The following ESR1 variants were observed in gnomAD, a reference collection of about 807,000 sequenced individuals.
ESR1 encodes estrogen receptor 1.
In ESR1, 12 loss-of-function variants were observed where a neutral mutation model predicts 52.7. That is an observed-to-expected ratio of 0.23 (90% CI 0.15 to 0.37). ESR1 has a LOEUF of 0.37. Ranked by LOEUF, ESR1 falls within the 10% of genes least tolerant of loss-of-function variation. The probability of loss-of-function intolerance (pLI) is 1.00; values close to 1 mark genes in which losing one functional copy is unlikely to be tolerated. For missense variants in ESR1, 584 were observed against 779.7 expected, an observed-to-expected ratio of 0.75 and a Z score of 2.99; for synonymous variants, 305 against 316.8, an observed-to-expected ratio of 0.96 and a Z score of 0.39.
In ESR1 at chr6:151,958,973, C is replaced by CGTGTGTGTGTGTGTGTGTGTGTGT. The variant is rs58501088; in HGVS notation, c.1096+14486_1096+14487insTGTGTGTGTGTGTGTGTGTGTGTG. On this transcript the variant is annotated intron_variant, in intron 4 of 7. Transcript: ENST00000206249. ...CTTCCATTGGAAGAGAAAAAGTTTC[C>CGTGTGTGTGTGTGTGTGTGTGTGT]GTGTGTGTGTGTGTGTGTGTGCGTG... Among the ~76,000 whole-genome samples the CGTGTGTGTGTGTGTGTGTGTGTGT allele has an allele frequency of 6.3e-3, 934 of 148,794 alleles. 16 individuals carry two copies. The highest frequency in any genetic ancestry group is 0.055 in the East Asian group (276 of 5,016).
At chr6:152,084,719 A>G (rs1376418141) in intron 6 of ESR1, among the ~76,000 whole-genome samples, 2 of 150,972 alleles carry the variant, frequency 1.3e-5, no homozygotes, top group South Asian at 2.1e-4. Flanking sequence ...AAAAAAAAAA[A>G]CAGTTATTCA....
chr6:151,746,650 A>AAAGGTACT (rs2128068072), intron 2 of ESR1, among the ~76,000 whole-genome samples: 1 of 152,334 alleles, frequency 6.6e-6, no homozygotes, highest in South Asian at 2.1e-4. Context: ...TGAGGTGAAA[A>AAAGGTACT]AAGGTACTAA....
At chr6:151,916,466 G>T (rs1277358557) in intron 3 of ESR1, among the ~76,000 whole-genome samples, 2 of 152,148 alleles carry the variant, frequency 1.3e-5, no homozygotes, top group Non-Finnish European at 2.9e-5. Context: ...TTTAATTTAG[G>T]TGGCATATTT....
chr6:151,706,783 C>T (rs1179930643), intron 2 of ESR1, among the ~76,000 whole-genome samples: 1 of 152,134 alleles, frequency 6.6e-6, no homozygotes, highest in East Asian at 1.9e-4. Flanking sequence ...GAAATCTGTT[C>T]TACCTGGAAA....
intron 4 of ESR1, among the ~76,000 whole-genome samples, chr6:151,967,262 C>A (rs1677249863): frequency 6.6e-6 from 1 of 152,074 alleles, no homozygotes; most frequent in Non-Finnish European, 1.5e-5. Context: ...TATATACGTG[C>A]CATGGTGGTT....
chr6:151,823,134 A>T (rs1780851900), intron 1 of ESR1, among the ~76,000 whole-genome samples: 1 of 152,252 alleles, frequency 6.6e-6, no homozygotes, highest in Admixed American at 6.5e-5. Flanking sequence ...TTTATCTGAA[A>T]TTCAAATTTA....
chr6:151,786,188 A>G (rs1016902931), intron 2 of ESR1, among the ~76,000 whole-genome samples: 1 of 152,214 alleles, frequency 6.6e-6, no homozygotes, highest in Non-Finnish European at 1.5e-5. Context: ...GATGCCCTGG[A>G]TCACAACTGC....
At chr6:151,712,151 T>C (rs1780662237) in intron 2 of ESR1, among the ~76,000 whole-genome samples, 1 of 152,134 alleles carries the variant, frequency 6.6e-6, no homozygotes, top group Non-Finnish European at 1.5e-5. Context: ...ATCAGATGGT[T>C]GTAGATGTGT....
At chr6:151,668,844 C>T (rs1393171499) in intron 1 of ESR1, among the ~76,000 whole-genome samples, 1 of 152,064 alleles carries the variant, frequency 6.6e-6, no homozygotes, top group South Asian at 2.1e-4. Context: ...GGCATTTGAA[C>T]TTGGCCTTTG....
chr6:152,024,615 G>T (rs1269003847), intron 5 of ESR1, among the ~76,000 whole-genome samples: 1 of 148,904 alleles, frequency 6.7e-6, no homozygotes, highest in Admixed American at 6.7e-5. Flanking sequence ...CCTATTGGAT[G>T]CCACGTGCAG....
At chr6:151,846,345 T>C (rs778512043) in intron 2 of ESR1, among the ~76,000 whole-genome samples, 6 of 152,238 alleles carry the variant, frequency 3.9e-5, no homozygotes, top group Non-Finnish European at 8.8e-5. Context: ...TTTGTTTGTG[T>C]GTATAAAAGG....
intron 4 of ESR1, among the ~76,000 whole-genome samples, chr6:152,011,204 G>T (rs944399190): frequency 6.6e-6 from 1 of 152,072 alleles, no homozygotes; most frequent in African/African-American, 2.4e-5. Context: ...ACGAAGCAAA[G>T]AAATAAAAAT....
At chr6:151,849,990 A>ATATATAATTTTGTATATATATACAAAAT (rs1786047652) in intron 2 of ESR1, among the ~76,000 whole-genome samples, 3 of 110,516 alleles carry the variant, frequency 2.7e-5, no homozygotes, top group East Asian at 2.4e-4. Flanking sequence ...ATATATATAT[A>ATATATAATTTTGTATATATATACAAAAT]TATATATATA....
intron 5 of ESR1, among the ~76,000 whole-genome samples, chr6:152,052,481 T>C (rs2046766700): frequency 6.6e-6 from 1 of 152,138 alleles, no homozygotes; most frequent in Admixed American, 6.5e-5. Context: ...AATAAATAAA[T>C]ACAGTCATAA....
At chr6:152,123,251 T>TC (rs1157778315) in intron 6 of ESR1, among the ~76,000 whole-genome samples, 1 of 152,214 alleles carries the variant, frequency 6.6e-6, no homozygotes, top group Non-Finnish European at 1.5e-5. Context: ...TGAATCAGCA[T>TC]CAGGCCCTGA....
At chr6:151,775,160 C>T (rs1376556373) in intron 2 of ESR1, among the ~76,000 whole-genome samples, 2 of 152,142 alleles carry the variant, frequency 1.3e-5, no homozygotes, top group Non-Finnish European at 2.9e-5. Context: ...AACAGTCTGT[C>T]CCGTGGAGAG....
At chr6:152,097,133 CTCTCTCTCTCTCTT>C in intron 7 of ESR1, among the ~76,000 whole-genome samples, 1 of 151,276 alleles carries the variant, frequency 6.6e-6, no homozygotes, top group Non-Finnish European at 1.5e-5. Flanking sequence ...GCTTCTCTTT[CTCTCTCTCTCTCTT>C]TCTCTCTCTC....
At chr6:152,092,034 G>A (rs891744172) in intron 6 of ESR1, among the ~76,000 whole-genome samples, 9 of 152,156 alleles carry the variant, frequency 5.9e-5, no homozygotes, top group Admixed American at 1.3e-4. Context: ...GACTGTGAGA[G>A]GCAGAGAAAA....
At chr6:151,669,861 T>C (rs767296849) in intron 1 of ESR1, among the ~76,000 whole-genome samples, 11 of 152,102 alleles carry the variant, frequency 7.2e-5, no homozygotes, top group Non-Finnish European at 1.3e-4. Flanking sequence ...GGATGAGAGA[T>C]TGTAAAACAC....
Sources: gnomAD v4.1 joint callset for allele counts (sites outside exome capture counted in the v4.1 genomes callset) on GRCh38, gnomAD v4.1.1 for gene constraint, MANE v1.5 for transcripts, NCBI Gene and HGNC (gene_info 2026-07-23, HGNC 2026-07-21) for gene names.